The following NCK2 variants were observed in gnomAD, a reference collection of about 807,000 sequenced individuals.
NCK2 encodes the protein cytoplasmic protein NCK2.
A neutral mutation model predicts 33.9 loss-of-function variants in NCK2; 16 were observed. The observed-to-expected ratio is 0.47, with a 90% CI of 0.32 to 0.72. The LOEUF (loss-of-function observed/expected upper bound fraction) is 0.72, where lower values mean the gene tolerates loss of function less well. Among genes scored for constraint, NCK2 ranks in the 30% least tolerant of loss-of-function variants. NCK2 has a pLI of 0.03. For synonymous variants in NCK2, 273 were observed against 239.9 expected (o/e 1.14, Z -1.27); for missense variants, 418 against 537.3 (o/e 0.78, Z 2.19).
At chr2:105,793,813 T>G (rs1203380774) in intron 1 of NCK2, among the ~76,000 whole-genome samples, 3 of 151,922 alleles carry the variant, frequency 2.0e-5, no homozygotes, top group Non-Finnish European at 1.5e-5. Context: ...GCTGTGGGGG[T>G]TTCAGGCTCC....
Position 105,872,072 on chromosome 2 carries a change from C to T in NCK2, c.227-9256C>T, listed in dbSNP as rs545611738. Among the ~76,000 whole-genome samples, 8 of 152,278 alleles carry T rather than the reference C, an allele frequency of 5.3e-5. No individual in the cohort carries two copies. The South Asian group carries it at 8.3e-4, about 16-fold the overall frequency. On this transcript the variant is annotated intron_variant, in intron 3 of 4. Transcript: ENST00000233154. ...TAGAATTTCTTCTTCCTTAAACGTA[C>T]GCAGTTCTTAATGGTGAGATTATTT...
chr2:105,888,953 GTACTC>G (rs141759231), intron 4 of NCK2, among the ~76,000 whole-genome samples: 1,634 of 152,344 alleles, frequency 0.011, 26 homozygotes, highest in African/African-American at 0.037. Flanking sequence ...TAAATGTAGA[GTACTC>G]TACCATACTA....
chr2:105,818,716 T>C (rs949304313), intron 2 of NCK2, among the ~76,000 whole-genome samples: 1 of 152,228 alleles, frequency 6.6e-6, no homozygotes, highest in Non-Finnish European at 1.5e-5. Context: ...TTGCTTCTAT[T>C]ATTTGCAGAT....
In NCK2 at chr2:105,747,258, T is replaced by C. The variant is rs377263352; in HGVS notation, c.-201+2120T>C. ...CTTTTCCAACAAACAGCAGATCTTA[T>C]GTACACAGTACTATATTTGAGAAAT... On this transcript the variant is annotated intron_variant, in intron 1 of 4. Transcript: ENST00000233154. Among the ~76,000 whole-genome samples the C allele has an allele frequency of 2.7e-4, 41 of 152,370 alleles. No individual in the cohort carries two copies. In the South Asian group the frequency reaches 7.7e-3, roughly 28 times the overall value.
chr2:105,890,444 C>T (rs1205036824), intron 4 of NCK2, among the ~76,000 whole-genome samples: 2 of 152,112 alleles, frequency 1.3e-5, no homozygotes, highest in African/African-American at 2.4e-5. Context: ...AGTGAGACTG[C>T]CCTTCATCTT....
chr2:105,768,483 G>A (rs1690020208), intron 1 of NCK2, among the ~76,000 whole-genome samples: 1 of 152,196 alleles, frequency 6.6e-6, no homozygotes, highest in Admixed American at 6.5e-5. Flanking sequence ...TCAACTGGCT[G>A]TAAATTGGGG....
chr2:105,829,728 C>T (rs886694831), intron 2 of NCK2, among the ~76,000 whole-genome samples: 4 of 152,196 alleles, frequency 2.6e-5, no homozygotes, highest in Non-Finnish European at 5.9e-5. Context: ...CAGAATTCTT[C>T]ACTCCATACT....
At chr2:105,807,966 G>A (rs190764866) in intron 1 of NCK2, among the ~76,000 whole-genome samples, 132 of 151,406 alleles carry the variant, frequency 8.7e-4, no homozygotes, top group Non-Finnish European at 1.6e-3. Context: ...TGCAGTGTGC[G>A]ATCTCAGCTC....
intron 1 of NCK2, among the ~76,000 whole-genome samples, chr2:105,784,821 A>G (rs989349614): frequency 2.0e-5 from 3 of 152,210 alleles, no homozygotes; most frequent in Non-Finnish European, 2.9e-5. Context: ...TAGAATATGC[A>G]CAAAGAGTGT....
chr2:105,813,805 C>T (rs1175442557), intron 1 of NCK2, among the ~76,000 whole-genome samples: 4 of 152,192 alleles, frequency 2.6e-5, no homozygotes, highest in Non-Finnish European at 5.9e-5. Flanking sequence ...TTGGATTTTG[C>T]AGTGGTAAAA....
intron 1 of NCK2, among the ~76,000 whole-genome samples, chr2:105,769,722 C>G (rs1337326769): frequency 6.6e-6 from 1 of 152,198 alleles, no homozygotes; most frequent in Non-Finnish European, 1.5e-5. Context: ...CTGTGCAGTA[C>G]AGCCAGGCGG....
chr2:105,785,348 C>T (rs1186886758), intron 1 of NCK2, among the ~76,000 whole-genome samples: 1 of 152,160 alleles, frequency 6.6e-6, no homozygotes, highest in Non-Finnish European at 1.5e-5. Flanking sequence ...GAGGACGGTT[C>T]CCCCGTCCTG....
intron 3 of NCK2, among the ~76,000 whole-genome samples, chr2:105,862,466 C>A (rs1361051346): frequency 6.6e-6 from 1 of 152,178 alleles, no homozygotes; most frequent in Non-Finnish European, 1.5e-5. Context: ...GTCACAGGTA[C>A]GAGACCCAGA....
chr2:105,836,137 T>TTTTTTTTTTTTTTTTTTTTG (rs1676426294), intron 2 of NCK2, among the ~76,000 whole-genome samples: 1 of 145,094 alleles, frequency 6.9e-6, no homozygotes, highest in African/African-American at 2.7e-5. Context: ...GTTCTGTTAT[T>TTTTTTTTTTTTTTTTTTTTG]AGAGAATTAC....
intron 1 of NCK2, among the ~76,000 whole-genome samples, chr2:105,795,485 T>G (rs1446845062): frequency 2.0e-5 from 3 of 152,224 alleles, no homozygotes; most frequent in African/African-American, 4.8e-5. Flanking sequence ...CATAAATATT[T>G]GAGTCATATT....
At chr2:105,864,292 G>A (rs1447275101) in intron 3 of NCK2, among the ~76,000 whole-genome samples, 1 of 152,046 alleles carries the variant, frequency 6.6e-6, no homozygotes, top group African/African-American at 2.4e-5. Flanking sequence ...AGTGACCCAG[G>A]GTGACATCCC....
In NCK2 at chr2:105,844,905, GTTTC is replaced by G. The variant is rs1292259151; in HGVS notation, c.-16-10139_-16-10136del. Among the ~76,000 whole-genome samples, 10 of 151,758 alleles carry G rather than the reference GTTTC, an allele frequency of 6.6e-5. No homozygotes were observed. In the East Asian group the frequency reaches 1.5e-3, roughly 23 times the overall value. On this transcript the variant is annotated intron_variant, in intron 2 of 4. Coordinates refer to ENST00000233154, the MANE Select transcript of NCK2 (RefSeq NM_003581.5). The stretch of plus-strand genomic sequence containing the variant: ...TCTGTTTTCTTAAATGATAGGGATG[GTTTC>G]TTTAACAGAATTCTACATTTGGAAT...
chr2:105,767,228 G>T (rs1200768811), intron 1 of NCK2, among the ~76,000 whole-genome samples: 3 of 152,172 alleles, frequency 2.0e-5, no homozygotes, highest in Non-Finnish European at 4.4e-5. Flanking sequence ...ACACATACAT[G>T]TCATGTCATT....
At chr2:105,768,280 G>A (rs752238129) in intron 1 of NCK2, among the ~76,000 whole-genome samples, 2 of 152,184 alleles carry the variant, frequency 1.3e-5, no homozygotes, top group Non-Finnish European at 2.9e-5. Flanking sequence ...CAGTGGCCGC[G>A]TGTGGCCGGT....
Sources: gnomAD v4.1 joint callset for allele counts (sites outside exome capture counted in the v4.1 genomes callset) on GRCh38, gnomAD v4.1.1 for gene constraint, MANE v1.5 for transcripts, NCBI Gene and HGNC (gene_info 2026-07-23, HGNC 2026-07-21) for gene names.